MYCBP2: variants seen among roughly 807,000 people sequenced by gnomAD.
MYCBP2 encodes E3 ubiquitin-protein ligase MYCBP2.
A neutral mutation model predicts 525.3 loss-of-function variants in MYCBP2; 120 were observed. The observed-to-expected ratio is 0.23, with a 90% CI of 0.20 to 0.27. The LOEUF is 0.27. Among genes scored for constraint, MYCBP2 ranks in the 10% least tolerant of loss-of-function variants. The pLI is 1.00. For missense variants in MYCBP2, 4,149 were observed against 5,657.1 expected (o/e 0.73, Z 8.55); for synonymous variants, 1,894 against 1,955.8 (o/e 0.97, Z 0.83).
At chr13:77,177,988 G>T in intron 34 of MYCBP2, 34 bp from the exon 35 acceptor site, 2 of 1,303,330 alleles carry the variant, frequency 1.5e-6, no homozygotes, top group Non-Finnish European at 2.2e-6. Flanking sequence ...ATCAGTAGTT[G>T]GTATACCTTT....
chr13:77,258,058 C>T (rs914075127), intron 13 of MYCBP2, among the ~76,000 whole-genome samples: 1 of 152,174 alleles, frequency 6.6e-6, no homozygotes, highest in Non-Finnish European at 1.5e-5. Context: ...CATATCTTTA[C>T]TGTAGCTTTC....
At chr13:77,245,807 T>C (rs576701908) in intron 15 of MYCBP2, among the ~76,000 whole-genome samples, 3 of 148,126 alleles carry the variant, frequency 2.0e-5, no homozygotes, top group Admixed American at 1.3e-4. Context: ...CATTCACACA[T>C]TGGAAAGGAA....
chr13:77,139,918 T>C, intron 51 of MYCBP2, 129 bp downstream of exon 51: 2 of 568,250 alleles, frequency 3.5e-6, no homozygotes, highest in Non-Finnish European at 3.1e-6. Flanking sequence ...TTCTATAAAA[T>C]AGTTTTAAAA....
At position 77,226,354 on chromosome 13, in the gene MYCBP2, T is replaced by G. The variant is rs562379213; in HGVS notation, c.2738-800A>C. The stretch of plus-strand genomic sequence containing the variant: ...TCTAACCATAGCATCAAAAACCACA[T>G]TCCAGAATATAAAAATTTTTGTTTG... On this transcript the variant is annotated intron_variant, in intron 18 of 82. Transcript: ENST00000544440. 2.0e-5 allele frequency among the ~76,000 whole-genome samples: 3 copies of G among 152,328 alleles called. No homozygotes were observed. In the East Asian group the frequency reaches 5.8e-4, roughly 29 times the overall value.
At chr13:77,207,776 G>A (rs2063517919) in intron 23 of MYCBP2, among the ~76,000 whole-genome samples, 1 of 151,842 alleles carries the variant, frequency 6.6e-6, no homozygotes, top group East Asian at 1.9e-4. Context: ...TTTTCTCTCT[G>A]GTTGCTTTTA....
chr13:77,265,333 CATT>C (rs2073923040), intron 8 of MYCBP2, among the ~76,000 whole-genome samples: 1 of 152,028 alleles, frequency 6.6e-6, no homozygotes, highest in Non-Finnish European at 1.5e-5. Flanking sequence ...AAGAAAAACT[CATT>C]ATAATTTCAG....
rs558244343 is a variant in MYCBP2 at position 77,072,958 on chromosome 13, T to C, written c.11824-2247A>G. On this transcript the variant is annotated intron_variant, in intron 68 of 82. Coordinates refer to ENST00000544440, the MANE Select transcript of MYCBP2 (RefSeq NM_015057.5). ...TAGTTCTTTCATCTTGTTTACCTCTTTCATCATTTATTTTTGCTTTTTAAA... is the reference window on the plus strand; with the variant it reads ...TAGTTCTTTCATCTTGTTTACCTCTCTCATCATTTATTTTTGCTTTTTAAA... Among the ~76,000 whole-genome samples the C allele has an allele frequency of 2.6e-5, 4 of 152,282 alleles. No homozygotes were observed. In the South Asian group the frequency reaches 8.3e-4, roughly 32 times the overall value.
Position 77,278,974 on chromosome 13 carries a change from G to A in MYCBP2, c.595-63C>T, listed in dbSNP as rs139943687. 24 of 1,213,262 alleles carry A rather than the reference G, an allele frequency of 2.0e-5. No individual in the cohort carries two copies. In the East Asian group the frequency reaches 6.4e-4, roughly 32 times the overall value. 75.2% of individuals were successfully genotyped at this position (1,213,262 alleles called of 1,614,324 possible). ...GTAAGCTAGTAACACTTTCTAAGCA[G>A]TTTAGTTGGTACAAGTTACTTCCAC... On this transcript the variant is annotated intron_variant, in intron 3 of 82. Coordinates refer to ENST00000544440, the MANE Select transcript of MYCBP2 (RefSeq NM_015057.5).
chr13:77,170,904 C>T (rs2059078923), intron 38 of MYCBP2, among the ~76,000 whole-genome samples: 1 of 152,190 alleles, frequency 6.6e-6, no homozygotes, highest in South Asian at 2.1e-4. Flanking sequence ...GATAACTCTG[C>T]TGCCAGTGTG....
At chr13:77,211,419 A>C in intron 22 of MYCBP2, 99 bp from the exon 23 acceptor site, 2 of 582,988 alleles carry the variant, frequency 3.4e-6, no homozygotes, top group Non-Finnish European at 4.8e-6. Flanking sequence ...TCAGGTGAAT[A>C]AGCAGAGAAT....
Position 77,165,395 on chromosome 13 carries a change from A to T in MYCBP2, c.6341-4T>A. The T allele has an allele frequency of 6.3e-7, 1 of 1,575,944 alleles. No homozygotes were observed. The highest frequency in any genetic ancestry group is 8.6e-7 in the Non-Finnish European group (1 of 1,163,630). The stretch of plus-strand genomic sequence containing the variant: ...AATGAAAAAAGGGCCTCATTTCCTA[A>T]TAAAAATGCCAGAATTGAGTTCAAA... On this transcript the variant is annotated splice_polypyrimidine_tract_variant and splice_region_variant and intron_variant, in intron 41 of 82. Coordinates refer to ENST00000544440, the MANE Select transcript of MYCBP2 (RefSeq NM_015057.5).
chr13:77,255,043 T>C (rs1019473212), intron 14 of MYCBP2, among the ~76,000 whole-genome samples: 2 of 152,002 alleles, frequency 1.3e-5, no homozygotes, highest in Admixed American at 1.3e-4. Context: ...GTTGTGGATA[T>C]GGCTATGATA....
Position 77,058,491 on chromosome 13 carries a change from G to T in MYCBP2, c.13141-85C>A. The T allele has an allele frequency of 4.1e-6, 5 of 1,224,106 alleles. No homozygotes were observed. Among genetic ancestry groups the T allele is most frequent in the Non-Finnish European group, 5.5e-6 (5 of 908,386 alleles). 75.8% of individuals were successfully genotyped at this position (1,224,106 alleles called of 1,614,324 possible). On this transcript the variant is annotated intron_variant, in intron 77 of 82. Coordinates refer to ENST00000544440, the MANE Select transcript of MYCBP2 (RefSeq NM_015057.5). This position sits in a 1 kb window ranked among gnomAD's most constrained non-coding sequence, Gnocchi z 4.1. ...TTTCCTTATTATATAAATTTCCAAA[G>T]ATTACTTTCCCACAGGAAGTATCTA...
chr13:77,148,843 T>C (rs547142397), intron 47 of MYCBP2, among the ~76,000 whole-genome samples: 2 of 152,218 alleles, frequency 1.3e-5, no homozygotes, highest in African/African-American at 4.8e-5. Flanking sequence ...CCAAAACACA[T>C]AATTACTGTT....
intron 5 of MYCBP2, among the ~76,000 whole-genome samples, 186 bp downstream of exon 5, chr13:77,273,286 T>C (rs1418417400): frequency 1.3e-5 from 2 of 152,186 alleles, no homozygotes. Flanking sequence ...TTTATTATAT[T>C]TAAAGCTTCA....
intron 26 of MYCBP2, among the ~76,000 whole-genome samples, chr13:77,196,632 C>T (rs1007305560): frequency 6.6e-6 from 1 of 152,104 alleles, no homozygotes; most frequent in Admixed American, 6.5e-5. Context: ...AGGATGACTC[C>T]AAGATTTTTG....
In MYCBP2 at chr13:77,267,955, T is replaced by C. The variant is rs1196619517; in HGVS notation, c.1261-18A>G. 2 of 1,558,314 alleles carry C rather than the reference T, an allele frequency of 1.3e-6. No individual in the cohort carries two copies. Among genetic ancestry groups the C allele is most frequent in the Non-Finnish European group, 1.8e-6 (2 of 1,133,350 alleles). ...AAATAACCCTGATAACAGCAAAAAA[T>C]TTTCCTGTTAAAATATTTATTACTA... On this transcript the variant is annotated intron_variant, in intron 7 of 82. Coordinates refer to ENST00000544440, the MANE Select transcript of MYCBP2 (RefSeq NM_015057.5).
intron 1 of MYCBP2, among the ~76,000 whole-genome samples, chr13:77,297,423 G>A (rs1319363038): frequency 6.6e-6 from 1 of 152,144 alleles, no homozygotes; most frequent in Non-Finnish European, 1.5e-5. Flanking sequence ...GATCTAACAA[G>A]AGGATACTAC....
intron 26 of MYCBP2, among the ~76,000 whole-genome samples, chr13:77,204,219 CA>C (rs2063007951): frequency 6.6e-6 from 1 of 152,006 alleles, no homozygotes; most frequent in South Asian, 2.1e-4. Flanking sequence ...CAAACAACCC[CA>C]TCAAAAAGTG....
Sources: allele counts gnomAD v4.1 joint callset (sites outside exome capture counted in the v4.1 genomes callset), GRCh38; gene constraint gnomAD v4.1.1; non-coding constraint Gnocchi (gnomAD v3.1); transcripts MANE v1.5; gene names NCBI Gene and HGNC (gene_info 2026-07-23, HGNC 2026-07-21).